Variants in SWAP70 observed in about 807,000 individuals in gnomAD.
The protein encoded by SWAP70 is switch-associated protein 70.
SWAP70 carries 34 observed loss-of-function variants against 80.2 expected under a neutral mutation model. That is an observed-to-expected ratio of 0.42 (90% CI 0.32 to 0.56). The LOEUF (loss-of-function observed/expected upper bound fraction) is 0.56, where lower values mean the gene tolerates loss of function less well. Ranked by LOEUF, SWAP70 falls within the 20% of genes least tolerant of loss-of-function variation. The probability of loss-of-function intolerance (pLI) is 0.09; values close to 1 mark genes in which losing one functional copy is unlikely to be tolerated. For synonymous variants in SWAP70, 239 were observed against 238.5 expected (o/e 1.00, Z -0.02); for missense variants, 578 against 690.7 (o/e 0.84, Z 1.83).
At chr11:9,692,287 T>TA (rs1222230769) in intron 1 of SWAP70, among the ~76,000 whole-genome samples, 12 of 151,066 alleles carry the variant, frequency 7.9e-5, no homozygotes, top group Non-Finnish European at 1.2e-4. Context: ...TAATTTTTTT[T>TA]AAAAAAACTT....
chr11:9,699,946 C>G (rs1850811088), intron 2 of SWAP70, among the ~76,000 whole-genome samples: 1 of 150,798 alleles, frequency 6.6e-6, no homozygotes. Flanking sequence ...TATTATAGAA[C>G]ATACTGGGAA....
In SWAP70 at chr11:9,747,869, A is replaced by AC. The variant is rs1851531742; in HGVS notation, c.1367_1368insC (p.Glu456AspfsTer8). ...CCTCCACATTGTAGGTTGTTGGAGGAAGAGTCTTCCAAGAGGGCTGAACTA... is the reference window on the plus strand; with the variant it reads ...CCTCCACATTGTAGGTTGTTGGAGGACAGAGTCTTCCAAGAGGGCTGAACTA... On this transcript the variant is annotated frameshift_variant, in exon 10 of 12. Coordinates refer to ENST00000318950, the MANE Select transcript of SWAP70 (RefSeq NM_015055.4). LOFTEE classifies it high-confidence loss of function. The AC allele has an allele frequency of 6.2e-7, 1 of 1,614,008 alleles. No homozygotes were observed. The highest frequency in any genetic ancestry group is 8.5e-7 in the Non-Finnish European group (1 of 1,180,016).
intron 2 of SWAP70, among the ~76,000 whole-genome samples, chr11:9,706,509 A>G (rs1850917364): frequency 1.3e-5 from 2 of 152,308 alleles, no homozygotes; most frequent in Middle Eastern, 3.4e-3. Flanking sequence ...CCTACCACTC[A>G]TCTTGGGAAA....
chr11:9,717,117 G>T (rs933075747), intron 3 of SWAP70, among the ~76,000 whole-genome samples: 1 of 152,156 alleles, frequency 6.6e-6, no homozygotes, highest in South Asian at 2.1e-4. Context: ...AGGCAGTTTC[G>T]CTGTAGTGGT....
At chr11:9,690,961 T>TG (rs1850690778) in intron 1 of SWAP70, among the ~76,000 whole-genome samples, 2 of 152,076 alleles carry the variant, frequency 1.3e-5, no homozygotes, top group Non-Finnish European at 2.9e-5. Context: ...TGGAGTGCAG[T>TG]GGCATGATCA....
At chr11:9,689,892 G>T (rs1241434165) in intron 1 of SWAP70, among the ~76,000 whole-genome samples, 1 of 152,160 alleles carries the variant, frequency 6.6e-6, no homozygotes, top group East Asian at 1.9e-4. Flanking sequence ...TGGGGCTGGG[G>T]TAGCACCAGC....
intron 4 of SWAP70, among the ~76,000 whole-genome samples, 184 bp from the exon 5 acceptor site, chr11:9,727,869 T>A (rs1851245863): frequency 6.6e-6 from 1 of 152,212 alleles, no homozygotes; most frequent in Non-Finnish European, 1.5e-5. Flanking sequence ...AATTTTTGTC[T>A]GGTTATGCTT....
chr11:9,684,851 G>A lies in SWAP70; in HGVS notation c.100-9295G>A, dbSNP rs555834759. On this transcript the variant is annotated intron_variant, in intron 1 of 11. Transcript: ENST00000318950. Reference sequence around the variant, plus strand: ...AATGGGACTAATTTAGCAAACATTTGTTGAACAGCTCTCTCATTAGGTACT... The same window carrying A: ...AATGGGACTAATTTAGCAAACATTTATTGAACAGCTCTCTCATTAGGTACT... 1.6e-4 allele frequency among the ~76,000 whole-genome samples: 24 copies of A among 152,288 alleles called. No individual in the cohort carries two copies. The Middle Eastern group carries it at 0.01, about 65-fold the overall frequency.
At chr11:9,671,054 A>G (rs577435736) in intron 1 of SWAP70, among the ~76,000 whole-genome samples, 1 of 146,118 alleles carries the variant, frequency 6.8e-6, no homozygotes, top group Non-Finnish European at 1.5e-5. Context: ...TGCCCGGCCT[A>G]TTATTGTTTT....
intron 7 of SWAP70, 31 bp downstream of exon 7, chr11:9,732,741 C>T: frequency 6.6e-7 from 1 of 1,512,812 alleles, no homozygotes; most frequent in Non-Finnish European, 8.8e-7. Context: ...GGGAGAGGGC[C>T]CTTCATTCCC....
At chr11:9,671,568 TTA>T (rs1390568492) in intron 1 of SWAP70, among the ~76,000 whole-genome samples, 1 of 61,402 alleles carries the variant, frequency 1.6e-5, no homozygotes, top group Admixed American at 2.6e-4. Flanking sequence ...ATAAATATAT[TTA>T]TATAGAAATA....
chr11:9,664,110 T>C lies in SWAP70; in HGVS notation c.-70T>C, dbSNP rs932274196. On this transcript the variant is annotated 5_prime_UTR_variant, in exon 1 of 12. Transcript: ENST00000318950. ...GCGCGGCGGGCTGTGGCTGCGGAGGTTGAGGGGCGTCCGAGGCGCGGAGGG... is the reference window on the plus strand; with the variant it reads ...GCGCGGCGGGCTGTGGCTGCGGAGGCTGAGGGGCGTCCGAGGCGCGGAGGG... 4.9e-6 allele frequency: 7 copies of C among 1,426,684 alleles called. No homozygotes were observed. In the African/African-American group the frequency reaches 7.6e-5, roughly 15 times the overall value. 88.4% of individuals were successfully genotyped at this position (1,426,684 alleles called of 1,614,324 possible).
chr11:9,693,946 G>A (rs1850724691), intron 1 of SWAP70, among the ~76,000 whole-genome samples, 200 bp from the exon 2 acceptor site: 1 of 152,138 alleles, frequency 6.6e-6, no homozygotes, highest in Non-Finnish European at 1.5e-5. Flanking sequence ...CTAGTTCTAA[G>A]TGAACCAAAC....
chr11:9,729,370 T>A lies in SWAP70; in HGVS notation c.817T>A (p.Cys273Ser). Residue 273 changes from cysteine (C) to serine (S), a missense_variant, in exon 6 of 12, where the codon TGC (cysteine) becomes AGC (serine). Coordinates refer to ENST00000318950, the MANE Select transcript of SWAP70 (RefSeq NM_015055.4). ...CTTGCCTGACAAAGATGGAAAGAAATGCCTTTTTCTCGTAAAATGTTTTGA... is the reference window on the plus strand; with the variant it reads ...CTTGCCTGACAAAGATGGAAAGAAAAGCCTTTTTCTCGTAAAATGTTTTGA... The part of the protein sequence containing the change: ...ESLPDKDGKK[C>S]LFLVKCFDKT... 1 of 1,613,730 alleles carries A rather than the reference T, an allele frequency of 6.2e-7. No homozygotes were observed. Among genetic ancestry groups the A allele is most frequent in the Non-Finnish European group, 8.5e-7 (1 of 1,179,812 alleles).
chr11:9,707,461 G>T (rs1232538924), intron 2 of SWAP70, among the ~76,000 whole-genome samples: 1 of 150,960 alleles, frequency 6.6e-6, no homozygotes, highest in Non-Finnish European at 1.5e-5. Context: ...TGTCCTCAGG[G>T]TTCTTCCCTA....
chr11:9,672,660 C>A (rs1850434368), intron 1 of SWAP70, among the ~76,000 whole-genome samples: 1 of 150,812 alleles, frequency 6.6e-6, no homozygotes. Context: ...GCCACCACAT[C>A]CAGCCTGTAT....
At chr11:9,666,531 CTT>C (rs952047642) in intron 1 of SWAP70, among the ~76,000 whole-genome samples, 1 of 152,004 alleles carries the variant, frequency 6.6e-6, no homozygotes, top group Non-Finnish European at 1.5e-5. Context: ...ATGTAGAAAA[CTT>C]ATCACCATAT....
intron 8 of SWAP70, among the ~76,000 whole-genome samples, chr11:9,739,786 G>A (rs750923351): frequency 5.3e-5 from 8 of 152,124 alleles, no homozygotes; most frequent in African/African-American, 1.2e-4. Context: ...GAAAAGGTTC[G>A]TTTGCTCTGA....
intron 1 of SWAP70, among the ~76,000 whole-genome samples, chr11:9,683,740 T>C (rs1303659795): frequency 6.6e-6 from 1 of 152,180 alleles, no homozygotes; most frequent in Non-Finnish European, 1.5e-5. Context: ...GGAAAAGTGA[T>C]CCTACCACCC....
Sources: gnomAD v4.1 joint callset for allele counts (sites outside exome capture counted in the v4.1 genomes callset) on GRCh38, gnomAD v4.1.1 for gene constraint, MANE v1.5 for transcripts, NCBI Gene and HGNC (gene_info 2026-07-23, HGNC 2026-07-21) for gene names.